SLC30A8: variants seen among roughly 807,000 people sequenced by gnomAD.
SLC30A8 encodes proton-coupled zinc antiporter SLC30A8.
SLC30A8 carries 27 observed loss-of-function variants against 36.9 expected under a neutral mutation model. The observed-to-expected ratio is 0.73, with a 90% CI of 0.54 to 1.01. The LOEUF (loss-of-function observed/expected upper bound fraction) is 1.01. SLC30A8 is among the 50% of genes least tolerant of loss of function. The pLI, the probability that SLC30A8 is intolerant of heterozygous loss-of-function variation, is 0.00. For synonymous variants in SLC30A8, 164 were observed against 172.4 expected (o/e 0.95, Z 0.38); for missense variants, 439 against 452.0 (o/e 0.97, Z 0.26).
intron 1 of SLC30A8, among the ~76,000 whole-genome samples, chr8:117,020,341 C>T (rs1301371160): frequency 6.6e-6 from 1 of 152,024 alleles, no homozygotes; most frequent in African/African-American, 2.4e-5. Context: ...TCGTTTTATT[C>T]ATGAAATTGG....
At chr8:117,038,364 A>G (rs1484389570) in intron 1 of SLC30A8, among the ~76,000 whole-genome samples, 1 of 152,166 alleles carries the variant, frequency 6.6e-6, no homozygotes, top group Non-Finnish European at 1.5e-5. Flanking sequence ...ACAATAATTT[A>G]TGTGTGTATG....
intron 2 of SLC30A8, among the ~76,000 whole-genome samples, chr8:117,053,321 G>A (rs1182722327): frequency 2.6e-5 from 4 of 151,806 alleles, no homozygotes; most frequent in East Asian, 1.9e-4. Flanking sequence ...TTTTCCTATC[G>A]TCTGGTTTCC....
intron 2 of SLC30A8, among the ~76,000 whole-genome samples, chr8:117,064,215 C>T (rs1405848715): frequency 1.3e-5 from 2 of 152,146 alleles, no homozygotes; most frequent in Non-Finnish European, 2.9e-5. Flanking sequence ...TGGTCTCAAA[C>T]TCCTGACTTC....
intron 6 of SLC30A8, among the ~76,000 whole-genome samples, chr8:117,166,483 G>T (rs182215418): frequency 6.6e-6 from 1 of 152,144 alleles, no homozygotes; most frequent in Non-Finnish European, 1.5e-5. Flanking sequence ...TCAGAATCAC[G>T]TGGAGGGTTT....
chr8:117,087,753 G>A (rs1818938240), intron 2 of SLC30A8, among the ~76,000 whole-genome samples: 1 of 152,106 alleles, frequency 6.6e-6, no homozygotes, highest in South Asian at 2.1e-4. Context: ...AGGGTAGGTG[G>A]CTTATTGTCC....
rs1823637084 is a variant in SLC30A8 at position 117,175,540 on chromosome 8, C to T, written c.*2859C>T. The T allele has an allele frequency of 6.6e-6, 1 of 152,056 alleles. No homozygotes were observed. The highest frequency in any genetic ancestry group is 2.4e-5 in the African/African-American group (1 of 41,422). 9.4% of individuals were successfully genotyped at this position (152,056 alleles called of 1,614,324 possible). ...CTCTTCCCTTTATTAGCTCTGTGAC[C>T]TCGAGCTAGTTACTTAAATGCTCTG... On this transcript the variant is annotated 3_prime_UTR_variant, in exon 8 of 8. Transcript: ENST00000456015.
intron 2 of SLC30A8, among the ~76,000 whole-genome samples, chr8:117,077,949 G>A (rs543633481): frequency 1.3e-5 from 2 of 152,118 alleles, no homozygotes; most frequent in Non-Finnish European, 2.9e-5. Context: ...TTCGTGGCAC[G>A]GATTGATATT....
chr8:117,097,019 A>G (rs1819393926), intron 2 of SLC30A8, among the ~76,000 whole-genome samples: 1 of 152,130 alleles, frequency 6.6e-6, no homozygotes. Flanking sequence ...ATAAATGAAT[A>G]GAGTCATCCC....
At chr8:117,054,928 G>T (rs1817824164) in intron 2 of SLC30A8, among the ~76,000 whole-genome samples, 2 of 151,834 alleles carry the variant, frequency 1.3e-5, no homozygotes, top group Non-Finnish European at 1.5e-5. Context: ...TATTTTTTTT[G>T]ATAAAGGAGA....
intron 2 of SLC30A8, among the ~76,000 whole-genome samples, chr8:117,088,932 G>A (rs1265268719): frequency 1.3e-5 from 2 of 152,166 alleles, no homozygotes; most frequent in African/African-American, 4.8e-5. Flanking sequence ...TGAGCTAAAA[G>A]TCCTGTCACC....
intron 3 of SLC30A8, among the ~76,000 whole-genome samples, chr8:117,155,779 G>T (rs1436560527): frequency 6.6e-6 from 1 of 152,210 alleles, no homozygotes; most frequent in Non-Finnish European, 1.5e-5. Flanking sequence ...TCTGAGGTCT[G>T]TGAGGGGAAG....
At chr8:117,015,788 C>T (rs1172787525) in intron 1 of SLC30A8, among the ~76,000 whole-genome samples, 1 of 152,120 alleles carries the variant, frequency 6.6e-6, no homozygotes, top group Non-Finnish European at 1.5e-5. Flanking sequence ...GCAGATGACT[C>T]TAAGCCATAT....
chr8:117,029,443 A>G (rs1363909972), intron 1 of SLC30A8, among the ~76,000 whole-genome samples: 1 of 152,216 alleles, frequency 6.6e-6, no homozygotes. Context: ...CCAGACCTTC[A>G]AGGTTAAAAC....
At chr8:117,069,797 C>A (rs150832734) in intron 2 of SLC30A8, among the ~76,000 whole-genome samples, 1 of 152,188 alleles carries the variant, frequency 6.6e-6, no homozygotes, top group African/African-American at 2.4e-5. Context: ...CTGTGCATTG[C>A]GGCACCTTGT....
At chr8:116,983,035 G>C (rs1235752184) in intron 1 of SLC30A8, among the ~76,000 whole-genome samples, 1 of 152,082 alleles carries the variant, frequency 6.6e-6, no homozygotes, top group African/African-American at 2.4e-5. Context: ...TAAATTGAAA[G>C]AATCTACCTT....
rs376889410 is a variant in SLC30A8, at chr8:117,163,515, A to G, written c.814A>G (p.Ile272Val). The part of the protein sequence containing the change: ...STITILKDFS[I>V]LLMEGVPKSL... ...CATCACTATCTTAAAGGACTTCTCCATCTTACTCATGGAAGGTAGGAGTGA... is the reference window on the plus strand; with the variant it reads ...CATCACTATCTTAAAGGACTTCTCCGTCTTACTCATGGAAGGTAGGAGTGA... The change falls in exon 6 of 8, where the codon ATC becomes GTC. Residue 272 changes from isoleucine (I) to valine (V), a missense_variant. Transcript: ENST00000456015. 4 of 1,611,654 alleles carry G rather than the reference A, an allele frequency of 2.5e-6. No individual in the cohort carries two copies. Among genetic ancestry groups the G allele is most frequent in the Non-Finnish European group, 3.4e-6 (4 of 1,178,480 alleles).
At chr8:117,061,433 T>C (rs1258467638) in intron 2 of SLC30A8, among the ~76,000 whole-genome samples, 3 of 152,240 alleles carry the variant, frequency 2.0e-5, no homozygotes, top group African/African-American at 7.2e-5. Context: ...ATGCCAAGGT[T>C]TTTGCTTATC....
At chr8:117,075,610 C>A (rs552113831) in intron 2 of SLC30A8, among the ~76,000 whole-genome samples, 110 of 152,292 alleles carry the variant, frequency 7.2e-4, no homozygotes, top group African/African-American at 2.4e-3. Context: ...GGTGAGTTTA[C>A]AATTTTTTCT....
upstream of SLC30A8, among the ~76,000 whole-genome samples, chr8:117,130,631 T>C (rs1406679764): frequency 6.6e-6 from 1 of 152,018 alleles, no homozygotes; most frequent in East Asian, 1.9e-4. Context: ...TTTTGTCTAC[T>C]TTTCTATTCT....
Sources: allele counts gnomAD v4.1 joint callset (sites outside exome capture counted in the v4.1 genomes callset), GRCh38; gene constraint gnomAD v4.1.1; transcripts MANE v1.5; gene names NCBI Gene and HGNC (gene_info 2026-07-23, HGNC 2026-07-21).